The following PLG variants were observed in gnomAD, a reference collection of about 807,000 sequenced individuals.
PLG encodes the protein plasminogen, also known as plasmin.
A neutral mutation model predicts 104.4 loss-of-function variants in PLG; 41 were observed. The ratio of observed to expected loss-of-function variants is 0.39; its 90% CI spans 0.31 to 0.51. The LOEUF (loss-of-function observed/expected upper bound fraction) is 0.51, where lower values mean the gene tolerates loss of function less well. Among genes scored for constraint, PLG ranks in the 20% least tolerant of loss-of-function variants. The pLI, the probability that PLG is intolerant of heterozygous loss-of-function variation, is 0.76. For missense variants in PLG, 891 were observed against 1,003.6 expected (o/e 0.89, Z 1.52); for synonymous variants, 337 against 357.1 (o/e 0.94, Z 0.63).
At chr6:160,745,720 G>A (rs572388223) in intron 17 of PLG, among the ~76,000 whole-genome samples, 44 of 152,108 alleles carry the variant, frequency 2.9e-4, no homozygotes, top group Non-Finnish European at 3.2e-4. Context: ...TTGTGTGATG[G>A]TTTTATAGTG....
Position 160,716,758 on chromosome 6 carries a change from G to A in PLG, c.782G>A (p.Arg261His), listed in dbSNP as rs4252187. The change falls in exon 7 of 19, where the codon CGC (arginine) becomes CAC (histidine). Residue 261 changes from arginine to histidine, a missense_variant. Arg to His is a conservative substitution (Grantham distance 29, BLOSUM62 0). Around this residue, in one of 2 missense-constraint regions of PLG, gnomAD observed 854 missense variants for 932.1 expected, o/e 0.92. Transcript: ENST00000308192. ...CGCTGGGAACTTTGTGACATCCCCC[G>A]CTGCAGTGAGTATGATGCACACCCA... is the stretch of plus-strand genomic sequence containing the variant. ...NKRWELCDIP[R>H]CTTPPPSSGP... is the part of the protein sequence containing the mutation. The A allele has an allele frequency of 3.1e-3, 4,816 of 1,567,044 alleles. 12 individuals carry two copies. Among genetic ancestry groups the A allele is most frequent in the Non-Finnish European group, 3.7e-3 (4,218 of 1,137,130 alleles).
intron 10 of PLG, among the ~76,000 whole-genome samples, chr6:160,730,507 A>AAGT (rs1777983344): frequency 6.6e-6 from 1 of 152,206 alleles, no homozygotes; most frequent in Admixed American, 6.5e-5. Flanking sequence ...TTCATAGTAA[A>AAGT]AGTAGATCCC....
chr6:160,750,344 G>A (rs1181997893), intron 17 of PLG, among the ~76,000 whole-genome samples: 2 of 152,178 alleles, frequency 1.3e-5, no homozygotes, highest in Non-Finnish European at 2.9e-5. Flanking sequence ...GCCCTCAGAG[G>A]TGCCATCTCT....
In PLG at chr6:160,718,410, C is replaced by T; in HGVS notation, c.904C>T (p.Gln302Ter). The T allele has an allele frequency of 6.2e-7, 1 of 1,613,712 alleles. No individual in the cohort carries two copies. Among genetic ancestry groups the T allele is most frequent in the Non-Finnish European group, 8.5e-7 (1 of 1,179,574 alleles). Reference sequence around the variant, plus strand: ...GCACACCTGTCAGCACTGGAGTGCACAGACCCCTCACACACATAACAGGAC... The same window carrying T: ...GCACACCTGTCAGCACTGGAGTGCATAGACCCCTCACACACATAACAGGAC... ...SGHTCQHWSAQTPHTHNRTPE... is the reference protein window; with the variant it reads ...SGHTCQHWSA Residue 302 changes from glutamine (Q) to a stop codon, truncating the protein, a stop_gained, in exon 8 of 19, where the codon CAG becomes TAG. Coordinates refer to ENST00000308192, the MANE Select transcript of PLG (RefSeq NM_000301.5). LOFTEE classifies it high-confidence loss of function.
rs1019790308 is a variant in PLG at position 160,725,331 on chromosome 6, T to G, written c.1256+2764T>G. 6.6e-6 allele frequency among the ~76,000 whole-genome samples: 1 copy of G among 152,104 alleles called. No homozygotes were observed. Among genetic ancestry groups the G allele is most frequent in the African/African-American group, 2.4e-5 (1 of 41,424 alleles). On this transcript the variant is annotated intron_variant, in intron 10 of 18. Transcript: ENST00000308192. The surrounding 1 kb of genome is among the most constrained non-coding windows in gnomAD (Gnocchi z 6.3). ...AAATTTCTAAATAATAATAATCACA[T>G]AAATAATGTAGGAAATAAATGGTAG...
At chr6:160,714,578 G>C (rs781034421) in intron 5 of PLG, among the ~76,000 whole-genome samples, 20 of 152,164 alleles carry the variant, frequency 1.3e-4, no homozygotes, top group Admixed American at 3.9e-4. Context: ...TAAAATATGT[G>C]AATGTTACGG....
At chr6:160,706,247 T>G (rs1777520400) in intron 1 of PLG, 160 bp from the exon 2 acceptor site, 24 of 921,592 alleles carry the variant, frequency 2.6e-5, no homozygotes, top group South Asian at 2.5e-4. Context: ...CTGTGTGTTC[T>G]TAACTAAACA....
intron 17 of PLG, among the ~76,000 whole-genome samples, chr6:160,749,450 C>A (rs1246278331): frequency 2.0e-5 from 3 of 151,008 alleles, no homozygotes; most frequent in Non-Finnish European, 4.4e-5. Context: ...ATCATTCCAC[C>A]ACCATCACCA....
In PLG at chr6:160,718,468, C is replaced by T; in HGVS notation, c.950+12C>T. On this transcript the variant is annotated intron_variant, in intron 8 of 18. Transcript: ENST00000308192. ...AACTTCCCCTGCAAGTAAGTCCCCT[C>T]CGGTCTCATTCTGCTGCTATGGAAT... is the stretch of plus-strand genomic sequence containing the variant. The T allele has an allele frequency of 1.2e-6, 2 of 1,602,748 alleles. No individual in the cohort carries two copies. The highest frequency in any genetic ancestry group is 1.1e-5 in the South Asian group (1 of 90,828).
At position 160,724,866 on chromosome 6, in the gene PLG, GA is replaced by G. The variant is rs1364372989; in HGVS notation, c.1256+2304del. On this transcript the variant is annotated intron_variant, in intron 10 of 18. Transcript: ENST00000308192. The surrounding 1 kb of genome is among the most constrained non-coding windows in gnomAD (Gnocchi z 5.0). ...GTTCTAGAAATCTATTTTGGTAGAA[GA>G]AAAATAGTGCCAGATGGGAACTTTA... is the stretch of plus-strand genomic sequence containing the variant. Among the ~76,000 whole-genome samples, 1 of 152,116 alleles carries G rather than the reference GA, an allele frequency of 6.6e-6. No homozygotes were observed. The highest frequency in any genetic ancestry group is 1.5e-5 in the Non-Finnish European group (1 of 68,008).
rs767793049 is a variant in PLG, at chr6:160,739,057, A to G, written c.1878-11A>G. ...ACCATATTTTCCTCTTGACGTCCTCATCTTTTCTAGGTCCCCAAGGCCTTC... is the reference window on the plus strand; with the variant it reads ...ACCATATTTTCCTCTTGACGTCCTCGTCTTTTCTAGGTCCCCAAGGCCTTC... On this transcript the variant is annotated splice_polypyrimidine_tract_variant and intron_variant, in intron 15 of 18. Coordinates refer to ENST00000308192, the MANE Select transcript of PLG (RefSeq NM_000301.5). This position sits in a 1 kb window ranked among gnomAD's most constrained non-coding sequence, Gnocchi z 4.4. 6 of 1,613,850 alleles carry G rather than the reference A, an allele frequency of 3.7e-6. No individual in the cohort carries two copies. The highest frequency in any genetic ancestry group is 4.5e-5 in the East Asian group (2 of 44,886).
At chr6:160,710,002 TAGA>T (rs1777608489) in intron 3 of PLG, among the ~76,000 whole-genome samples, 1 of 152,254 alleles carries the variant, frequency 6.6e-6, no homozygotes, top group Non-Finnish European at 1.5e-5. Context: ...GGGTCACCAG[TAGA>T]AGGTCTCTGG....
Position 160,731,325 on chromosome 6 carries a change from C to A in PLG, c.1438+93C>A. 1.8e-6 allele frequency: 2 copies of A among 1,142,022 alleles called. No individual in the cohort carries two copies. The highest frequency in any genetic ancestry group is 2.5e-5 in the South Asian group (2 of 80,032). 70.7% of individuals were successfully genotyped at this position (1,142,022 alleles called of 1,614,324 possible). A position where few individuals can be genotyped will look rare whatever the true frequency, so the allele number is the denominator to read the frequency against. ...TGATGCAGAAACCTTCCATGCTACA[C>A]GAGAAATCAAGTGTTTTTAGAGGGT... On this transcript the variant is annotated intron_variant, in intron 11 of 18. Transcript: ENST00000308192. The surrounding 1 kb of genome is among the most constrained non-coding windows in gnomAD (Gnocchi z 5.1).
chr6:160,727,481 G>C, intron 10 of PLG, among the ~76,000 whole-genome samples: 1 of 148,158 alleles, frequency 6.7e-6, no homozygotes, highest in East Asian at 1.9e-4. Flanking sequence ...TTGTAAAAAA[G>C]TAGACAAGGA....
At chr6:160,716,228 C>T (rs1777727319) in intron 6 of PLG, among the ~76,000 whole-genome samples, 1 of 152,214 alleles carries the variant, frequency 6.6e-6, no homozygotes, top group African/African-American at 2.4e-5. Flanking sequence ...TTGCTTACAT[C>T]AATTTTCCAG....
rs374719948 is a variant in PLG at position 160,724,154 on chromosome 6, C to T, written c.1256+1587C>T. Among the ~76,000 whole-genome samples, 1 of 151,948 alleles carries T rather than the reference C, an allele frequency of 6.6e-6. No individual in the cohort carries two copies. Among genetic ancestry groups the T allele is most frequent in the Non-Finnish European group, 1.5e-5 (1 of 67,988 alleles). On this transcript the variant is annotated intron_variant, in intron 10 of 18. Coordinates refer to ENST00000308192, the MANE Select transcript of PLG (RefSeq NM_000301.5). This position sits in a 1 kb window ranked among gnomAD's most constrained non-coding sequence, Gnocchi z 5.0. ...AGAAAAAGCACTCAAAACAAATAAA[C>T]CCCAAAATGAAGAAATTGGCAAGAA... is the stretch of plus-strand genomic sequence containing the variant.
In PLG at chr6:160,741,035, T is replaced by G. The variant is rs565731961; in HGVS notation, c.2019-276T>G. Among the ~76,000 whole-genome samples, 4 of 152,218 alleles carry G rather than the reference T, an allele frequency of 2.6e-5. No individual in the cohort carries two copies. The highest frequency in any genetic ancestry group is 5.9e-5 in the Non-Finnish European group (4 of 68,038). On this transcript the variant is annotated intron_variant, in intron 16 of 18. Coordinates refer to ENST00000308192, the MANE Select transcript of PLG (RefSeq NM_000301.5). The surrounding 1 kb of genome is among the most constrained non-coding windows in gnomAD (Gnocchi z 4.7). ...TTGTGCACAGAATATACATGAGAAG[T>G]GCGCCTTTGTCATCCCTACTTTCAA...
intron 17 of PLG, among the ~76,000 whole-genome samples, chr6:160,751,233 T>C (rs963725617): frequency 1.7e-4 from 26 of 152,198 alleles, no homozygotes; most frequent in African/African-American, 6.3e-4. Context: ...GAATGAACTT[T>C]ATGAACAAAG....
At chr6:160,711,855 T>C (rs1777649808) in intron 4 of PLG, 4 of 1,396,728 alleles carry the variant, frequency 2.9e-6, no homozygotes, top group Non-Finnish European at 3.7e-6. Flanking sequence ...GTAAATAAGA[T>C]ATAAAAATGA....
Sources: allele counts gnomAD v4.1 joint callset (sites outside exome capture counted in the v4.1 genomes callset), GRCh38; gene constraint gnomAD v4.1.1; regional missense constraint gnomAD v4.1.1; non-coding constraint Gnocchi (gnomAD v3.1); transcripts MANE v1.5; gene names NCBI Gene and HGNC (gene_info 2026-07-23, HGNC 2026-07-21).